The following C9 variants were observed in gnomAD, a reference collection of about 807,000 sequenced individuals.
The protein encoded by C9 is complement component C9.
C9 carries 63 observed loss-of-function variants against 65.4 expected under a neutral mutation model. The ratio of observed to expected loss-of-function variants is 0.96; its 90% CI spans 0.79 to 1.19. The LOEUF (loss-of-function observed/expected upper bound fraction) is 1.19. Among genes scored for constraint, C9 ranks in the 50% most tolerant of loss-of-function variants. The pLI is 0.00. For synonymous variants in C9, 229 were observed against 227.9 expected, an observed-to-expected ratio of 1.00 and a Z score of -0.04; for missense variants, 744 against 670.1, an observed-to-expected ratio of 1.11 and a Z score of -1.22.
At chr5:39,333,077 A>T (rs951460564) in intron 4 of C9, among the ~76,000 whole-genome samples, 1 of 152,240 alleles carries the variant, frequency 6.6e-6, no homozygotes, top group Non-Finnish European at 1.5e-5. Flanking sequence ...CTATGGCCTT[A>T]AAGTTCTAAT....
chr5:39,348,820 A>G (rs962062666), intron 1 of C9, among the ~76,000 whole-genome samples: 3 of 152,226 alleles, frequency 2.0e-5, no homozygotes, highest in South Asian at 2.1e-4. Flanking sequence ...GCACATATAC[A>G]CCATAGAATA....
At chr5:39,363,712 G>A (rs75611964) in intron 1 of C9, among the ~76,000 whole-genome samples, 2,651 of 152,292 alleles carry the variant, frequency 0.017, 38 homozygotes, top group Middle Eastern at 0.037. Context: ...CAGTGTAGCT[G>A]TTCAATAAAA....
At chr5:39,364,125 T>C (rs1167794576) in intron 1 of C9, among the ~76,000 whole-genome samples, 1 of 152,208 alleles carries the variant, frequency 6.6e-6, no homozygotes, top group Non-Finnish European at 1.5e-5. Flanking sequence ...TATTTTATAA[T>C]TCCAGATATT....
intron 9 of C9, among the ~76,000 whole-genome samples, chr5:39,296,049 A>G (rs1753179775): frequency 6.6e-6 from 1 of 151,794 alleles, no homozygotes; most frequent in Non-Finnish European, 1.5e-5. Context: ...AGAATACTTT[A>G]TTGTAAGACC....
chr5:39,353,541 T>C (rs909346856), intron 1 of C9, among the ~76,000 whole-genome samples: 1 of 152,234 alleles, frequency 6.6e-6, no homozygotes, highest in African/African-American at 2.4e-5. Flanking sequence ...ACACACATTA[T>C]ATTTTTCTGG....
chr5:39,306,724 C>CAT lies in C9; in HGVS notation c.1307_1308dup (p.Ala437MetfsTer5). Reference sequence around the variant, plus strand: ...AGAAGCTTTTCTTTCAGTTCAAATGCATATTTTCTGGTTCCACCTCTTATG... The same window carrying CAT: ...AGAAGCTTTTCTTTCAGTTCAAATGCATATATTTTCTGGTTCCACCTCTTATG... On this transcript the variant is annotated frameshift_variant, in exon 9 of 11. Transcript: ENST00000263408. LOFTEE classifies it high-confidence loss of function. 3 of 1,612,402 alleles carry CAT rather than the reference C, an allele frequency of 1.9e-6. No homozygotes were observed. Among genetic ancestry groups the CAT allele is most frequent in the Non-Finnish European group, 2.5e-6 (3 of 1,178,576 alleles).
At chr5:39,337,261 C>T (rs2111944107) in intron 4 of C9, among the ~76,000 whole-genome samples, 1 of 152,220 alleles carries the variant, frequency 6.6e-6, no homozygotes, top group East Asian at 1.9e-4. Context: ...TTTGTGCACC[C>T]CATGGTTTGC....
chr5:39,294,652 C>G (rs1037681057), intron 9 of C9, among the ~76,000 whole-genome samples: 1 of 151,724 alleles, frequency 6.6e-6, no homozygotes, highest in African/African-American at 2.4e-5. Context: ...AGAATTAACA[C>G]TAATTCTTCT....
chr5:39,351,390 G>C (rs1481485507), intron 1 of C9, among the ~76,000 whole-genome samples: 1 of 152,172 alleles, frequency 6.6e-6, no homozygotes, highest in African/African-American at 2.4e-5. Flanking sequence ...CAGCTGGCTG[G>C]AATTTCTCCC....
rs988105594 is a variant in C9, at chr5:39,295,430, A to G, written c.1417-6479T>C. The stretch of plus-strand genomic sequence containing the variant: ...AAAGAACAACAAACTAGGCCAAAAA[A>G]GAATGCAAAAAGTCAATACCATTTA... On this transcript the variant is annotated intron_variant, in intron 9 of 10. Transcript: ENST00000263408. Among the ~76,000 whole-genome samples the G allele has an allele frequency of 9.9e-5, 15 of 151,886 alleles. 1 individual carries two copies. The South Asian group carries it at 3.1e-3, about 31-fold the overall frequency.
chr5:39,322,911 T>C (rs1753687775), intron 5 of C9, among the ~76,000 whole-genome samples: 2 of 152,090 alleles, frequency 1.3e-5, no homozygotes, highest in Non-Finnish European at 2.9e-5. Context: ...CCACACCATG[T>C]TATATGAGCA....
chr5:39,342,934 C>CA (rs1023097894), intron 1 of C9, among the ~76,000 whole-genome samples: 21 of 151,800 alleles, frequency 1.4e-4, no homozygotes, highest in South Asian at 4.2e-4. Context: ...AGGATAATTA[C>CA]AAAAAAAAGA....
chr5:39,331,693 C>G lies in C9; in HGVS notation c.598G>C (p.Ala200Pro). ...AGACTTACTTCATAGATCAAAGAAG[C>G]CACGTTCCAAGGTCTTCGGTAGTAT... ...LTYYRRPWNV[A>P]SLIYETKGEK... Residue 200 changes from alanine (A) to proline (P), a missense_variant, in exon 5 of 11, where the codon GCT becomes CCT. Ala to Pro is a conservative substitution (Grantham distance 27, BLOSUM62 -1). Transcript: ENST00000263408. The G allele has an allele frequency of 6.2e-7, 1 of 1,614,000 alleles. No individual in the cohort carries two copies. Among genetic ancestry groups the G allele is most frequent in the African/African-American group, 1.3e-5 (1 of 75,058 alleles).
intron 7 of C9, among the ~76,000 whole-genome samples, chr5:39,309,243 TATTTATC>T (rs1315395873): frequency 6.6e-6 from 1 of 152,102 alleles, no homozygotes; most frequent in Non-Finnish European, 1.5e-5. Flanking sequence ...TTTTTGCCGT[TATTTATC>T]ATTTATTTCA....
intron 1 of C9, among the ~76,000 whole-genome samples, chr5:39,348,784 A>G (rs958803435): frequency 3.9e-5 from 6 of 152,336 alleles, no homozygotes; most frequent in East Asian, 1.9e-4. Flanking sequence ...ATGTCCATCA[A>G]TGATAGACTG....
At chr5:39,327,873 G>T (rs756322068) in intron 5 of C9, among the ~76,000 whole-genome samples, 3 of 152,196 alleles carry the variant, frequency 2.0e-5, no homozygotes, top group Non-Finnish European at 4.4e-5. Flanking sequence ...AAATAAGCTT[G>T]AGATAGACTT....
chr5:39,308,282 A>C lies in C9; in HGVS notation c.1188T>G (p.Val396=). The C allele has an allele frequency of 6.2e-7, 1 of 1,612,528 alleles. No homozygotes were observed. Among genetic ancestry groups the C allele is most frequent in the East Asian group, 2.2e-5 (1 of 44,848 alleles). The change falls in exon 8 of 11, where the codon GTT becomes GTG. Residue 396 remains valine (V), a synonymous_variant. Transcript: ENST00000263408. ...AATCATCTTTATTAAATTCAGCTCCAACAGAGATTTCAGAGAAAGCCAGAG... is the reference window on the plus strand; with the variant it reads ...AATCATCTTTATTAAATTCAGCTCCCACAGAGATTTCAGAGAAAGCCAGAG... The part of the protein sequence containing the change: ...DVSLAFSEIS[V]GAEFNKDDCV...
At chr5:39,345,884 C>T (rs895183020) in intron 1 of C9, among the ~76,000 whole-genome samples, 4 of 152,204 alleles carry the variant, frequency 2.6e-5, no homozygotes, top group African/African-American at 4.8e-5. Flanking sequence ...AACCACTCAA[C>T]TACATGGAAA....
intron 9 of C9, among the ~76,000 whole-genome samples, chr5:39,305,893 G>A (rs1753364858): frequency 6.6e-6 from 1 of 152,090 alleles, no homozygotes; most frequent in South Asian, 2.1e-4. Flanking sequence ...AGGCATGGGG[G>A]CTCACGTCTG....
Sources: gnomAD v4.1 joint callset for allele counts (sites outside exome capture counted in the v4.1 genomes callset) on GRCh38, gnomAD v4.1.1 for gene constraint, MANE v1.5 for transcripts, NCBI Gene and HGNC (gene_info 2026-07-23, HGNC 2026-07-21) for gene names.